The following ZNF233 variants were observed in gnomAD, a reference collection of about 807,000 sequenced individuals.
The protein encoded by ZNF233 is zinc finger protein 233.
A neutral mutation model predicts 11.6 loss-of-function variants in ZNF233; 7 were observed. The ratio of observed to expected loss-of-function variants is 0.60; its 90% CI spans 0.34 to 1.13. The LOEUF (loss-of-function observed/expected upper bound fraction) is 1.13. Ranked by LOEUF, ZNF233 falls within the 50% of genes most tolerant of loss-of-function variation. The probability of loss-of-function intolerance (pLI) is 0.03; values close to 1 mark genes in which losing one functional copy is unlikely to be tolerated. For synonymous variants in ZNF233, 226 were observed against 268.5 expected (o/e 0.84, Z 1.55); for missense variants, 711 against 785.5 (o/e 0.91, Z 1.13).
chr19:44,265,610 C>T lies in ZNF233; in HGVS notation c.16-588C>T, dbSNP rs373619953. 6.6e-5 allele frequency among the ~76,000 whole-genome samples: 10 copies of T among 152,196 alleles called. No individual in the cohort carries two copies. The East Asian group carries it at 7.7e-4, about 12-fold the overall frequency. ...TAATTTTTTGTGTTTTTAGTAGAGA[C>T]GGTGTTTCACCATGTTGGTCAGGCT... On this transcript the variant is annotated intron_variant, in intron 2 of 4. Coordinates refer to ENST00000683810, the MANE Select transcript of ZNF233 (RefSeq NM_001207005.2).
intron 2 of ZNF233, among the ~76,000 whole-genome samples, chr19:44,264,991 G>C (rs1975032268): frequency 6.6e-6 from 1 of 152,050 alleles, no homozygotes; most frequent in African/African-American, 2.4e-5. Flanking sequence ...GTCAATAACA[G>C]TTTTATATCC....
chr19:44,267,347 G>T (rs1233438), intron 4 of ZNF233: 80,556 of 394,474 alleles, frequency 0.2, 12,718 homozygotes, highest in African/African-American at 0.58. Context: ...ACATGCCAAG[G>T]GTGCTTTTTT....
chr19:44,260,917 GT>G (rs1423394393), intron 1 of ZNF233, among the ~76,000 whole-genome samples: 2 of 152,186 alleles, frequency 1.3e-5, no homozygotes, highest in East Asian at 3.9e-4. Context: ...TTGTTAATAC[GT>G]TGAGTGCCAG....
chr19:44,266,796 G>T, intron 3 of ZNF233, 70 bp from the exon 4 acceptor site: 1 of 1,107,812 alleles, frequency 9.0e-7, no homozygotes, highest in South Asian at 1.5e-5. Flanking sequence ...GCATGAAAAT[G>T]GTGGTGTTGG....
In ZNF233 at chr19:44,266,312, C is replaced by G. The variant is rs45559435; in HGVS notation, c.130C>G (p.Leu44Val). 10 of 1,605,684 alleles carry G rather than the reference C, an allele frequency of 6.2e-6. No homozygotes were observed. Among genetic ancestry groups the G allele is most frequent in the Non-Finnish European group, 8.5e-6 (10 of 1,175,398 alleles). The change falls in exon 3 of 5, where the codon CTG becomes GTG. Residue 44 changes from leucine to valine, a missense_variant. Leu to Val is a conservative substitution (Grantham distance 32). Coordinates refer to ENST00000683810, the MANE Select transcript of ZNF233 (RefSeq NM_001207005.2). Reference protein sequence around the residue: ...QDVMLENFRNLLSVGYQPFKL... With the variant: ...QDVMLENFRNVLSVGYQPFKL... ...TGTGATGCTGGAGAACTTCAGGAAC[C>G]TGCTGTCAGTGGGTGAGCACAGGCA...
intron 2 of ZNF233, among the ~76,000 whole-genome samples, chr19:44,265,372 C>T (rs532980916): frequency 0.23 from 16,408 of 70,250 alleles, 985 homozygotes; most frequent in South Asian, 0.38. Context: ...TATATACACA[C>T]ACACACACAC....
intron 1 of ZNF233, among the ~76,000 whole-genome samples, chr19:44,260,932 C>T (rs1252683925): frequency 6.6e-6 from 1 of 152,152 alleles, no homozygotes; most frequent in Non-Finnish European, 1.5e-5. Flanking sequence ...GTGCCAGGGT[C>T]TCTTCTATAG....
chr19:44,270,659 G>A lies in ZNF233; in HGVS notation c.239-2240G>A, dbSNP rs555960169. Among the ~76,000 whole-genome samples, 264 of 152,294 alleles carry A rather than the reference G, an allele frequency of 1.7e-3. 1 individual carries two copies. Among genetic ancestry groups the A allele is most frequent in the African/African-American group, 6.0e-3 (250 of 41,556 alleles). On this transcript the variant is annotated intron_variant, in intron 4 of 4. Transcript: ENST00000683810. ...GGATCTCAAAAAGCTGTTAAAGAGTGACGGAGCTGCCGTCCCCGGAAGGCT... is the reference window on the plus strand; with the variant it reads ...GGATCTCAAAAAGCTGTTAAAGAGTAACGGAGCTGCCGTCCCCGGAAGGCT...
intron 1 of ZNF233, among the ~76,000 whole-genome samples, chr19:44,262,805 G>C (rs1305163240): frequency 6.6e-6 from 1 of 152,180 alleles, no homozygotes; most frequent in Non-Finnish European, 1.5e-5. Flanking sequence ...TAAGTCAGAA[G>C]AGTCAATTAG....
rs1975336236 is a variant in ZNF233, at chr19:44,274,398, C to T, written c.1738C>T (p.Gln580Ter). The change falls in exon 5 of 5, where the codon CAA becomes TAA. Residue 580 changes from glutamine (Q) to a stop codon, truncating the protein, a stop_gained. Transcript: ENST00000683810. LOFTEE classifies it low-confidence loss of function (END_TRUNC). ...GKGFSWSSHLQAHQRVHTGEK... is the reference protein window; with the variant it reads ...GKGFSWSSHL ...AGGCTTCAGTTGGAGTTCACATCTTCAAGCCCATCAGAGAGTCCACACAGG... is the reference window on the plus strand; with the variant it reads ...AGGCTTCAGTTGGAGTTCACATCTTTAAGCCCATCAGAGAGTCCACACAGG... 1 of 1,614,196 alleles carries T rather than the reference C, an allele frequency of 6.2e-7. No homozygotes were observed. Among genetic ancestry groups the T allele is most frequent in the Non-Finnish European group, 8.5e-7 (1 of 1,180,028 alleles).
rs1449506830 is a variant in ZNF233 at position 44,273,466 on chromosome 19, T to A, written c.806T>A (p.Val269Asp). The change falls in exon 5 of 5, where the codon GTT (valine) becomes GAT (aspartate). Residue 269 changes from valine to aspartate, a missense_variant. Transcript: ENST00000683810. ...GATGAAAATGGAAAAGGCTTAAGTG[T>A]TGGCTCTAATCTTGAACTTCACCAG... ...TSDENGKGLS[V>D]GSNLELHQQL... 4 of 1,614,090 alleles carry A rather than the reference T, an allele frequency of 2.5e-6. No homozygotes were observed. Among genetic ancestry groups the A allele is most frequent in the Non-Finnish European group, 3.4e-6 (4 of 1,180,042 alleles).
chr19:44,273,999 AC>A lies in ZNF233; in HGVS notation c.1340del (p.Thr447MetfsTer259). Reference protein sequence around the residue: ...RNSGLHQRVHTGEKPYKCEVC... With the variant: ...RNSGLHQRVHXGEKPYKCEVC... The stretch of plus-strand genomic sequence containing the variant: ...TTCTGGTCTTCACCAGAGAGTTCAC[AC>A]TGGAGAGAAACCATATAAATGTGAG... On this transcript the variant is annotated frameshift_variant, in exon 5 of 5. Transcript: ENST00000683810. LOFTEE classifies it low-confidence loss of function (END_TRUNC). 1 of 1,597,554 alleles carries A rather than the reference AC, an allele frequency of 6.3e-7. No homozygotes were observed. Among genetic ancestry groups the A allele is most frequent in the Non-Finnish European group, 8.5e-7 (1 of 1,179,254 alleles).
chr19:44,266,962 G>GT lies in ZNF233; in HGVS notation c.238+2dup. ...GAAATCCAAGGAGATGGGTGTTCAG[G>GT]TGAGAACCATGGAGCTCTGAGTCTT... On this transcript the variant is annotated splice_donor_variant, in intron 4 of 4. Coordinates refer to ENST00000683810, the MANE Select transcript of ZNF233 (RefSeq NM_001207005.2). LOFTEE classifies it high-confidence loss of function. 3 of 1,612,192 alleles carry GT rather than the reference G, an allele frequency of 1.9e-6. No homozygotes were observed. The South Asian group carries it at 3.3e-5, about 18-fold the overall frequency.
rs1191229436 is a variant in ZNF233, at chr19:44,273,179, G to A, written c.519G>A (p.Glu173=). 6.2e-7 allele frequency: 1 copy of A among 1,613,638 alleles called. No homozygotes were observed. Among genetic ancestry groups the A allele is most frequent in the African/African-American group, 1.3e-5 (1 of 74,912 alleles). The change falls in exon 5 of 5, where the codon GAG becomes GAA. Residue 173 remains glutamate (E), a synonymous_variant. Transcript: ENST00000683810. The part of the protein sequence containing the change: ...GESSNSIKNQ[E]LPLRTTWDFW... Reference sequence around the variant, plus strand: ...GTTCAAATAGCATAAAAAATCAAGAGCTTCCATTGAGGACCACCTGGGATT... The same window carrying A: ...GTTCAAATAGCATAAAAAATCAAGAACTTCCATTGAGGACCACCTGGGATT...
In ZNF233 at chr19:44,266,867, C is replaced by G; in HGVS notation, c.144C>G (p.Gly48=). ...LENFRNLLSV[G]YQPFKLDVIL... ...ATATATGCCATTTCTTTTTCACAGG[C>G]TATCAACCCTTCAAACTAGATGTGA... Residue 48 remains glycine, a splice_region_variant and synonymous_variant, in exon 4 of 5, where the codon GGC becomes GGG. Transcript: ENST00000683810. 6.2e-7 allele frequency: 1 copy of G among 1,611,924 alleles called. No homozygotes were observed. The highest frequency in any genetic ancestry group is 8.5e-7 in the Non-Finnish European group (1 of 1,178,766).
At position 44,262,771 on chromosome 19, in the gene ZNF233, G is replaced by A. The variant is rs541985934; in HGVS notation, c.-47-1543G>A. Among the ~76,000 whole-genome samples the A allele has an allele frequency of 5.3e-5, 8 of 152,246 alleles. No homozygotes were observed. The South Asian group carries it at 1.7e-3, about 32-fold the overall frequency. ...CTGTTATTGTCCTCACTTTATGGGT[G>A]AGGAAATAGGCACAAAGAGCTAGTA... On this transcript the variant is annotated intron_variant, in intron 1 of 4. Transcript: ENST00000683810.
At position 44,274,394 on chromosome 19, in the gene ZNF233, T is replaced by C. The variant is rs779995466; in HGVS notation, c.1734T>C (p.His578=). ...GGAAAGGCTTCAGTTGGAGTTCACA[T>C]CTTCAAGCCCATCAGAGAGTCCACA... ...VCGKGFSWSS[H]LQAHQRVHTG... The change falls in exon 5 of 5, where the codon CAT becomes CAC. Residue 578 remains histidine, a synonymous_variant. Transcript: ENST00000683810. 9.3e-6 allele frequency: 15 copies of C among 1,612,934 alleles called. No homozygotes were observed. Among genetic ancestry groups the C allele is most frequent in the Middle Eastern group, 1.6e-4 (1 of 6,072 alleles).
intron 2 of ZNF233, 69 bp from the exon 3 acceptor site, chr19:44,266,129 G>T (rs1392468282): frequency 1.3e-6 from 2 of 1,487,772 alleles, no homozygotes; most frequent in African/African-American, 1.4e-5. Context: ...CTTTCTACCT[G>T]CTCAGTGCTG....
chr19:44,259,932 C>T lies in ZNF233; in HGVS notation c.-54C>T, dbSNP rs760627428. 2 of 455,832 alleles carry T rather than the reference C, an allele frequency of 4.4e-6. No individual in the cohort carries two copies. Among genetic ancestry groups the T allele is most frequent in the African/African-American group, 2.0e-5 (1 of 50,162 alleles). 28.2% of individuals were successfully genotyped at this position (455,832 alleles called of 1,614,324 possible). A position where few individuals can be genotyped will look rare whatever the true frequency, so the allele number is the denominator to read the frequency against. On this transcript the variant is annotated 5_prime_UTR_variant, in exon 1 of 5. Coordinates refer to ENST00000683810, the MANE Select transcript of ZNF233 (RefSeq NM_001207005.2). ...GCGAAGCAGCCGTCATCTATCCCCT[C>T]TGGGAGGTGAGTCAGCGCGGAACCT...
Sources: allele counts gnomAD v4.1 joint callset (sites outside exome capture counted in the v4.1 genomes callset), GRCh38; gene constraint gnomAD v4.1.1; transcripts MANE v1.5; gene names NCBI Gene and HGNC (gene_info 2026-07-23, HGNC 2026-07-21).